The following GRIN2B variants were observed in gnomAD, a reference collection of about 807,000 sequenced individuals.
GRIN2B encodes glutamate receptor ionotropic, NMDA 2B.
A neutral mutation model predicts 114.5 loss-of-function variants in GRIN2B; 5 were observed. The ratio of observed to expected loss-of-function variants is 0.04; its 90% CI spans 0.02 to 0.09. The LOEUF (loss-of-function observed/expected upper bound fraction) is 0.09, where lower values mean the gene tolerates loss of function less well. Among genes scored for constraint, GRIN2B ranks in the 10% least tolerant of loss-of-function variants. The probability of loss-of-function intolerance (pLI) is 1.00; values close to 1 mark genes in which losing one functional copy is unlikely to be tolerated. For missense variants in GRIN2B, 1,108 were observed against 1,943.5 expected (o/e 0.57, Z 8.08); for synonymous variants, 787 against 745.1 (o/e 1.06, Z -0.92).
intron 10 of GRIN2B, among the ~76,000 whole-genome samples, chr12:13,577,161 G>A (rs1411073104): frequency 1.3e-5 from 2 of 152,168 alleles, no homozygotes; most frequent in Non-Finnish European, 2.9e-5. Flanking sequence ...CACTGTAAGT[G>A]GGGCCACATA....
chr12:13,712,139 A>G (rs2136581931), intron 4 of GRIN2B, among the ~76,000 whole-genome samples: 1 of 151,892 alleles, frequency 6.6e-6, no homozygotes, highest in East Asian at 2.0e-4. Flanking sequence ...CGGAAAAACC[A>G]AACACCACAT....
chr12:13,701,782 A>G (rs951400571), intron 4 of GRIN2B, among the ~76,000 whole-genome samples: 1 of 152,242 alleles, frequency 6.6e-6, no homozygotes, highest in Non-Finnish European at 1.5e-5. Context: ...CAAGCATAGC[A>G]CTCAAAGATC....
intron 4 of GRIN2B, among the ~76,000 whole-genome samples, chr12:13,703,594 C>A (rs535043199): frequency 3.3e-5 from 5 of 152,256 alleles, no homozygotes; most frequent in African/African-American, 1.2e-4. Context: ...TCTACACATA[C>A]ACACACAAAT....
rs1217717517 is a variant in GRIN2B at position 13,726,109 on chromosome 12, C to T, written c.1010+27208G>A. Among the ~76,000 whole-genome samples, 3 of 152,160 alleles carry T rather than the reference C, an allele frequency of 2.0e-5. 1 individual carries two copies. In the East Asian group the frequency reaches 5.8e-4, roughly 29 times the overall value. ...GTTTCCTGCTGAAATAGTCATACCT[C>T]TTAGCCATTTCAGCATTTTTCTTTA... On this transcript the variant is annotated intron_variant, in intron 4 of 13. Transcript: ENST00000609686.
At chr12:13,752,588 A>G (rs1457499281) in intron 4 of GRIN2B, among the ~76,000 whole-genome samples, 3 of 152,178 alleles carry the variant, frequency 2.0e-5, no homozygotes, top group African/African-American at 7.2e-5. Context: ...AGAATCTTCT[A>G]CCCCACAGAG....
At chr12:13,847,720 A>C (rs1865493847) in intron 3 of GRIN2B, among the ~76,000 whole-genome samples, 1 of 152,060 alleles carries the variant, frequency 6.6e-6, no homozygotes, top group Non-Finnish European at 1.5e-5. Context: ...GAGAGAAGGA[A>C]CAATCAGAGA....
intron 2 of GRIN2B, among the ~76,000 whole-genome samples, chr12:13,897,276 C>A (rs1866369289): frequency 6.6e-6 from 1 of 152,142 alleles, no homozygotes; most frequent in Admixed American, 6.5e-5. Context: ...TAGAGCCCCA[C>A]TGCAGCACCT....
At chr12:13,710,877 C>G (rs187261505) in intron 4 of GRIN2B, among the ~76,000 whole-genome samples, 32 of 152,178 alleles carry the variant, frequency 2.1e-4, no homozygotes, top group Admixed American at 1.6e-3. Flanking sequence ...AAAAAAACTA[C>G]TTTAAAGTTC....
intron 2 of GRIN2B, among the ~76,000 whole-genome samples, chr12:13,905,240 G>A (rs1483011657): frequency 6.6e-6 from 1 of 152,110 alleles, no homozygotes; most frequent in Non-Finnish European, 1.5e-5. Flanking sequence ...AGTGGGGAAG[G>A]TCTCTCCCTG....
At chr12:13,900,052 T>C (rs1591610651) in intron 2 of GRIN2B, among the ~76,000 whole-genome samples, 1 of 152,344 alleles carries the variant, frequency 6.6e-6, no homozygotes, top group East Asian at 1.9e-4. Flanking sequence ...TTTCTCTATT[T>C]GTTAAATCTA....
chr12:13,679,241 G>C (rs1950106583), intron 4 of GRIN2B, among the ~76,000 whole-genome samples: 1 of 152,118 alleles, frequency 6.6e-6, no homozygotes, highest in Non-Finnish European at 1.5e-5. Flanking sequence ...AATTACAAAA[G>C]AGAAGTTCCA....
chr12:13,980,761 T>G (rs968524505), intron 1 of GRIN2B, among the ~76,000 whole-genome samples: 1 of 152,180 alleles, frequency 6.6e-6, no homozygotes, highest in African/African-American at 2.4e-5. Flanking sequence ...CCATCTGCAT[T>G]GCTGCTGACT....
intron 2 of GRIN2B, among the ~76,000 whole-genome samples, chr12:13,899,101 A>C (rs1179602442): frequency 6.6e-6 from 1 of 152,230 alleles, no homozygotes; most frequent in Non-Finnish European, 1.5e-5. Flanking sequence ...TATAAACCGG[A>C]GATAAATTTA....
chr12:13,850,256 G>A (rs1865536443), intron 3 of GRIN2B, among the ~76,000 whole-genome samples: 1 of 152,192 alleles, frequency 6.6e-6, no homozygotes, highest in Admixed American at 6.5e-5. Flanking sequence ...CTCATCTACT[G>A]AGATGGAATC....
At chr12:13,752,859 G>A (rs182841229) in intron 4 of GRIN2B, among the ~76,000 whole-genome samples, 4 of 152,232 alleles carry the variant, frequency 2.6e-5, no homozygotes, top group Admixed American at 1.3e-4. Context: ...AAAGGTAAGC[G>A]GACTGGTCCT....
At chr12:13,852,692 G>GA (rs56860420) in intron 3 of GRIN2B, among the ~76,000 whole-genome samples, 1,383 of 95,802 alleles carry the variant, frequency 0.014, 33 homozygotes, top group African/African-American at 0.037. Context: ...GAGAGATGAG[G>GA]AAAAAAAAAA....
In GRIN2B at chr12:13,563,685, C is replaced by T; in HGVS notation, c.3553G>A (p.Asp1185Asn). Reference sequence around the variant, plus strand: ...ACCCCGCTGACCACGCCGTGTTTGTCGCCCGTCCCGTGCTTGATGTGAGAC... The same window carrying T: ...ACCCCGCTGACCACGCCGTGTTTGTTGCCCGTCCCGTGCTTGATGTGAGAC... ...NRSHIKHGTG[D>N]KHGVVSGVPA... Residue 1185 changes from aspartate to asparagine, a missense_variant, in exon 14 of 14, where the codon GAC (aspartate) becomes AAC (asparagine). Around this residue, in one of 19 missense-constraint regions of GRIN2B, gnomAD observed 478 missense variants for 506.0 expected, o/e 0.94. Coordinates refer to ENST00000609686, the MANE Select transcript of GRIN2B (RefSeq NM_000834.5). 2 of 1,613,518 alleles carry T rather than the reference C, an allele frequency of 1.2e-6. No homozygotes were observed. Among genetic ancestry groups the T allele is most frequent in the Non-Finnish European group, 1.7e-6 (2 of 1,179,980 alleles).
chr12:13,962,955 G>T (rs1466014132), intron 2 of GRIN2B, among the ~76,000 whole-genome samples: 2 of 152,174 alleles, frequency 1.3e-5, no homozygotes, highest in East Asian at 3.8e-4. Flanking sequence ...AGAGAAGGCA[G>T]ACCTCCTTTC....
chr12:13,638,529 C>T (rs992127228), intron 5 of GRIN2B, among the ~76,000 whole-genome samples: 6 of 152,070 alleles, frequency 3.9e-5, no homozygotes, highest in African/African-American at 1.2e-4. Flanking sequence ...GTCATGCTTT[C>T]CAAAGACAGG....
Sources: gnomAD v4.1 joint callset for allele counts (sites outside exome capture counted in the v4.1 genomes callset) on GRCh38, gnomAD v4.1.1 for gene constraint, gnomAD v4.1.1 regional missense constraint, MANE v1.5 for transcripts, NCBI Gene and HGNC (gene_info 2026-07-23, HGNC 2026-07-21) for gene names.